ZNF343: variants seen among roughly 807,000 people sequenced by gnomAD.
ZNF343 encodes zinc finger protein 343.
ZNF343 carries 11 observed loss-of-function variants against 13.8 expected under a neutral mutation model. The observed-to-expected ratio is 0.80, with a 90% CI of 0.50 to 1.32. ZNF343 has a LOEUF of 1.32. Among genes scored for constraint, ZNF343 ranks in the 40% most tolerant of loss-of-function variants. ZNF343 has a pLI of 0.00. For missense variants in ZNF343, 658 were observed against 714.2 expected (o/e 0.92, Z 0.90); for synonymous variants, 248 against 260.0 (o/e 0.95, Z 0.44).
Position 2,483,769 on chromosome 20 carries a change from T to C in ZNF343, c.1192A>G (p.Lys398Glu), listed in dbSNP as rs763085500. Residue 398 changes from lysine to glutamate, a missense_variant, in exon 6 of 6, where the codon AAA becomes GAA. Physicochemically the swap from Lys to Glu is moderately conservative, Grantham distance 56. Transcript: ENST00000278772. ...TCCCCTGAGTGTATCCTCTGGTGTTTTCTGAGGGTTGACTTATCACAAAAG... is the reference window on the plus strand; with the variant it reads ...TCCCCTGAGTGTATCCTCTGGTGTTCTCTGAGGGTTGACTTATCACAAAAG... ...RSFCDKSTLR[K>E]HQRIHSGEKP... 5 of 1,613,916 alleles carry C rather than the reference T, an allele frequency of 3.1e-6. No homozygotes were observed. Among genetic ancestry groups the C allele is most frequent in the Non-Finnish European group, 4.2e-6 (5 of 1,179,998 alleles).
intron 4 of ZNF343, 138 bp downstream of exon 4, chr20:2,493,381 T>C: frequency 1.2e-6 from 1 of 806,052 alleles, no homozygotes; most frequent in Non-Finnish European, 2.1e-6. Flanking sequence ...TGACAACTTT[T>C]TTCAAGAAAG....
At chr20:2,510,126 T>C (rs2085729687), upstream of ZNF343, among the ~76,000 whole-genome samples, 1 of 152,246 alleles carries the variant, frequency 6.6e-6, no homozygotes, top group Non-Finnish European at 1.5e-5. Context: ...TTTTTCTTTT[T>C]GATAAAGGCA....
chr20:2,520,099 T>C (rs1024085288), intron 1 of ZNF343, among the ~76,000 whole-genome samples: 1 of 152,228 alleles, frequency 6.6e-6, no homozygotes, highest in African/African-American at 2.4e-5. Flanking sequence ...TCTATATTTC[T>C]ACTAATTCAA....
rs1338014192 is a variant in ZNF343, at chr20:2,493,758, G to A, written c.118+20C>T. ...CCTTGGCTTCCTCTTCATCCCTCCG[G>A]CTCCCTCAACAATTCTCACCTTTCG... On this transcript the variant is annotated intron_variant, in intron 3 of 5. Transcript: ENST00000278772. 1.3e-6 allele frequency: 2 copies of A among 1,591,576 alleles called. No homozygotes were observed. The highest frequency in any genetic ancestry group is 3.3e-5 in the Admixed American group (2 of 59,940).
At chr20:2,497,066 G>T (rs2085471998) in intron 2 of ZNF343, among the ~76,000 whole-genome samples, 1 of 146,630 alleles carries the variant, frequency 6.8e-6, no homozygotes, top group Non-Finnish European at 1.5e-5. Context: ...GGCAACAAAA[G>T]CAAAACTCTG....
At chr20:2,494,618 A>T (rs2085427009) in intron 2 of ZNF343, among the ~76,000 whole-genome samples, 1 of 151,842 alleles carries the variant, frequency 6.6e-6, no homozygotes, top group Non-Finnish European at 1.5e-5. Context: ...AAAATACAAA[A>T]ATCAGCTGGG....
chr20:2,507,470 G>A (rs1201140942), intron 1 of ZNF343, among the ~76,000 whole-genome samples: 1 of 152,092 alleles, frequency 6.6e-6, no homozygotes, highest in Non-Finnish European at 1.5e-5. Context: ...ATTAGTAATA[G>A]TTAACACTTA....
intron 4 of ZNF343, 80 bp downstream of exon 4, chr20:2,493,439 C>T: frequency 1.4e-6 from 2 of 1,397,448 alleles, no homozygotes; most frequent in Non-Finnish European, 2.0e-6. Context: ...TTTTCCTTTC[C>T]CAAGAAAGAG....
rs1272271772 is a variant in ZNF343, at chr20:2,508,640, GT to G, written c.-237+240del. ...GGCATTAGAGTTCTAGGTCACTCTC[GT>G]CCCCCCGGGGGGAAAAAAGGTCCGC... is the stretch of plus-strand genomic sequence containing the variant. On this transcript the variant is annotated intron_variant, in intron 1 of 5. Coordinates refer to ENST00000278772, the MANE Select transcript of ZNF343 (RefSeq NM_024325.6). The surrounding 1 kb of genome is among the most constrained non-coding windows in gnomAD (Gnocchi z 4.5). Among the ~76,000 whole-genome samples, 2 of 152,154 alleles carry G rather than the reference GT, an allele frequency of 1.3e-5. No homozygotes were observed. The highest frequency in any genetic ancestry group is 3.9e-4 in the East Asian group (2 of 5,180).
At chr20:2,486,289 C>G (rs1241425968) in intron 5 of ZNF343, among the ~76,000 whole-genome samples, 6 of 152,114 alleles carry the variant, frequency 3.9e-5, no homozygotes, top group Non-Finnish European at 1.5e-5. Flanking sequence ...GATTCTAATC[C>G]CTACGCCTTA....
chr20:2,498,248 T>C (rs940048304), intron 2 of ZNF343, among the ~76,000 whole-genome samples: 1 of 152,024 alleles, frequency 6.6e-6, no homozygotes, highest in Non-Finnish European at 1.5e-5. Context: ...CCCAGCTACT[T>C]GGGAGGCTGA....
rs2085767283 is a variant in ZNF343 at position 2,518,103 on chromosome 20, TC to T, written c.-347+6351del. 6.6e-6 allele frequency among the ~76,000 whole-genome samples: 1 copy of T among 151,896 alleles called. No homozygotes were observed. ...ATCTCGGCTCACTGTAACCTCTGCCTCCCAGGCTCAAGTGATTCCCCTTCCT... is the reference window on the plus strand; with the variant it reads ...ATCTCGGCTCACTGTAACCTCTGCCTCCAGGCTCAAGTGATTCCCCTTCCT... On this transcript the variant is annotated intron_variant, in intron 1 of 6. Coordinates refer to the ZNF343 transcript ENST00000358413. The surrounding 1 kb of genome is among the most constrained non-coding windows in gnomAD (Gnocchi z 4.6).
chr20:2,509,331 G>C (rs145712527), upstream of ZNF343, among the ~76,000 whole-genome samples: 1,042 of 152,298 alleles, frequency 6.8e-3, 11 homozygotes, highest in African/African-American at 0.024. Context: ...CCTTGCGTGA[G>C]CACTATGTAG....
upstream of ZNF343, among the ~76,000 whole-genome samples, chr20:2,513,140 C>T (rs913292014): frequency 5.3e-5 from 8 of 151,912 alleles, no homozygotes; most frequent in African/African-American, 1.7e-4. Context: ...AAACTTTGTG[C>T]GCCAAAGGAC....
chr20:2,494,239 T>C (rs2085420679), intron 2 of ZNF343, among the ~76,000 whole-genome samples, 195 bp from the exon 3 acceptor site: 1 of 152,084 alleles, frequency 6.6e-6, no homozygotes, highest in Non-Finnish European at 1.5e-5. Context: ...GCTTGTGTTC[T>C]GCCACTCTCC....
At chr20:2,524,998 C>G (rs1600086357), upstream of ZNF343, among the ~76,000 whole-genome samples, 1 of 152,230 alleles carries the variant, frequency 6.6e-6, no homozygotes, top group East Asian at 1.9e-4. Context: ...CCCGGCTTCC[C>G]GCTCCTGAGG....
At chr20:2,495,517 T>C (rs1218962274) in intron 2 of ZNF343, 2 of 152,198 alleles carry the variant, frequency 1.3e-5, no homozygotes, top group Admixed American at 6.5e-5. Flanking sequence ...AGAGGGACTG[T>C]GGTTCTACTG....
chr20:2,497,035 G>A (rs1434191707), intron 2 of ZNF343, among the ~76,000 whole-genome samples: 2 of 151,962 alleles, frequency 1.3e-5, no homozygotes, highest in East Asian at 1.9e-4. Flanking sequence ...AGCCGAGATC[G>A]CACCACTGCA....
rs978563964 is a variant in ZNF343 at position 2,503,526 on chromosome 20, G to A, written c.-236-2784C>T. Among the ~76,000 whole-genome samples the A allele has an allele frequency of 3.3e-4, 50 of 152,008 alleles. 1 individual carries two copies. Among genetic ancestry groups the A allele is most frequent in the South Asian group, 1.0e-3 (5 of 4,804 alleles). On this transcript the variant is annotated intron_variant, in intron 1 of 5. Coordinates refer to ENST00000278772, the MANE Select transcript of ZNF343 (RefSeq NM_024325.6). The stretch of plus-strand genomic sequence containing the variant: ...TATACATTCTTCTCAGCACCACACC[G>A]CACTTATTCCAAAATTGACCACATA...
Sources: gnomAD v4.1 joint callset for allele counts (sites outside exome capture counted in the v4.1 genomes callset) on GRCh38, gnomAD v4.1.1 for gene constraint, Gnocchi (gnomAD v3.1) non-coding constraint, MANE v1.5 for transcripts, NCBI Gene and HGNC (gene_info 2026-07-23, HGNC 2026-07-21) for gene names.